Variants in USP10 observed in about 807,000 individuals in gnomAD.
USP10 encodes the protein ubiquitin carboxyl-terminal hydrolase 10.
USP10 carries 22 observed loss-of-function variants against 84.5 expected under a neutral mutation model. The observed-to-expected ratio is 0.26, with a 90% CI of 0.19 to 0.37. The LOEUF (loss-of-function observed/expected upper bound fraction) is 0.37. Among genes scored for constraint, USP10 ranks in the 10% least tolerant of loss-of-function variants. USP10 has a pLI of 1.00. For missense variants in USP10, 1,019 were observed against 998.9 expected (o/e 1.02, Z -0.27); for synonymous variants, 454 against 387.6 (o/e 1.17, Z -2.01).
Position 84,739,839 on chromosome 16 carries a change from C to T in USP10, c.91-470C>T, listed in dbSNP as rs114315049. Among the ~76,000 whole-genome samples the T allele has an allele frequency of 3.2e-3, 493 of 152,300 alleles. 1 individual carries two copies. The highest frequency in any genetic ancestry group is 0.021 in the Middle Eastern group (6 of 292). On this transcript the variant is annotated intron_variant, in intron 2 of 13. Coordinates refer to ENST00000219473, the MANE Select transcript of USP10 (RefSeq NM_005153.3). ...GGCTTTTTGTTTATAGTGCGCTTTC[C>T]TCTGCTCTCCGACCATGGACCTGGT...
chr16:84,740,828 C>A (rs553831875), intron 3 of USP10, among the ~76,000 whole-genome samples: 1 of 152,370 alleles, frequency 6.6e-6, no homozygotes, highest in African/African-American at 2.4e-5. Flanking sequence ...CTCTTGGGAA[C>A]TCAGGTCAAC....
At position 84,773,203 on chromosome 16, in the gene USP10, G is replaced by A. The variant is rs529052747; in HGVS notation, c.2143+518G>A. Among the ~76,000 whole-genome samples the A allele has an allele frequency of 1.1e-4, 17 of 152,304 alleles. 1 individual carries two copies. The East Asian group carries it at 2.7e-3, about 24-fold the overall frequency. On this transcript the variant is annotated intron_variant, in intron 12 of 13. Coordinates refer to ENST00000219473, the MANE Select transcript of USP10 (RefSeq NM_005153.3). ...AATTTTAAAGAGCCCCAGGTTAAAG[G>A]CATCTTGCTAAAAGCACAGCTTCAA... is the stretch of plus-strand genomic sequence containing the variant.
chr16:84,740,439 T>C, intron 3 of USP10, 70 bp downstream of exon 3: 1 of 1,250,112 alleles, frequency 8.0e-7, no homozygotes, highest in Non-Finnish European at 1.2e-6. Context: ...AGGCTACCTG[T>C]AAACATTGTT....
intron 11 of USP10, among the ~76,000 whole-genome samples, chr16:84,771,307 G>T (rs74712465): frequency 6.6e-6 from 1 of 152,092 alleles, no homozygotes. Context: ...ATCCCAGCAC[G>T]GTGGGAGACT....
At chr16:84,725,631 T>A (rs1396186282) in intron 1 of USP10, among the ~76,000 whole-genome samples, 1 of 152,142 alleles carries the variant, frequency 6.6e-6, no homozygotes, top group African/African-American at 2.4e-5. Flanking sequence ...CTCTGACTCC[T>A]GACCTCAGGT....
chr16:84,759,820 C>T (rs1057080120), intron 6 of USP10, 71 bp from the exon 7 acceptor site: 2 of 1,451,262 alleles, frequency 1.4e-6, no homozygotes, highest in Non-Finnish European at 1.9e-6. Flanking sequence ...TCTACTTAGC[C>T]ATCAAAGCTC....
At chr16:84,769,896 G>GGTAGT (rs1914249805) in intron 11 of USP10, among the ~76,000 whole-genome samples, 1 of 152,184 alleles carries the variant, frequency 6.6e-6, no homozygotes, top group African/African-American at 2.4e-5. Context: ...GTTGTTAGAC[G>GGTAGT]GTAGTGAAGA....
chr16:84,729,991 G>A (rs1908998577), intron 1 of USP10, among the ~76,000 whole-genome samples: 1 of 152,142 alleles, frequency 6.6e-6, no homozygotes, highest in Admixed American at 6.5e-5. Flanking sequence ...TGCAAAATGG[G>A]TGTATTTGAA....
At chr16:84,700,918 C>G (rs1183735290) in intron 1 of USP10, among the ~76,000 whole-genome samples, 1 of 152,056 alleles carries the variant, frequency 6.6e-6, no homozygotes, top group Non-Finnish European at 1.5e-5. Flanking sequence ...CATCTTCTCC[C>G]CCCTCCGCCA....
At chr16:84,777,939 T>C (rs143022271) in intron 13 of USP10, among the ~76,000 whole-genome samples, 25 of 152,366 alleles carry the variant, frequency 1.6e-4, no homozygotes, top group Admixed American at 6.5e-4. Flanking sequence ...TGTCTGCTGC[T>C]GGCCAGGCAG....
intron 1 of USP10, among the ~76,000 whole-genome samples, chr16:84,716,772 A>G (rs1363310282): frequency 1.3e-5 from 2 of 152,174 alleles, no homozygotes; most frequent in East Asian, 3.8e-4. Flanking sequence ...CAAGTTGAAG[A>G]GTGAAGATTC....
At chr16:84,774,587 C>T (rs1487801912) in intron 12 of USP10, among the ~76,000 whole-genome samples, 1 of 151,404 alleles carries the variant, frequency 6.6e-6, no homozygotes, top group Non-Finnish European at 1.5e-5. Flanking sequence ...TCTCCTGCCT[C>T]AGCCTCCCGA....
chr16:84,747,401 A>T, intron 4 of USP10, among the ~76,000 whole-genome samples: 1 of 152,344 alleles, frequency 6.6e-6, no homozygotes, highest in African/African-American at 2.4e-5. Flanking sequence ...GGGTGATAGC[A>T]AGCAATGTAT....
At chr16:84,701,915 G>C (rs1181714199) in intron 1 of USP10, among the ~76,000 whole-genome samples, 1 of 136,074 alleles carries the variant, frequency 7.3e-6, no homozygotes. Flanking sequence ...GAAATAGTTT[G>C]ATTTCTCATA....
chr16:84,737,831 T>C (rs574678702), intron 2 of USP10, among the ~76,000 whole-genome samples: 1 of 152,376 alleles, frequency 6.6e-6, no homozygotes, highest in East Asian at 1.9e-4. Context: ...TGGCACACCC[T>C]GAGTGCCCAG....
chr16:84,764,102 C>G lies in USP10; in HGVS notation c.1671C>G (p.Asn557Lys). Residue 557 changes from asparagine (N) to lysine (K), a missense_variant, in exon 10 of 14, where the codon AAC becomes AAG. Physicochemically the swap from Asn to Lys is moderately conservative, Grantham distance 94 (BLOSUM62 0). This residue lies in a region of USP10 where 787 missense variants were observed against 708.8 expected (regional missense o/e 1.11). Coordinates refer to ENST00000219473, the MANE Select transcript of USP10 (RefSeq NM_005153.3). The part of the protein sequence containing the change: ...SPSNEKLTIS[N>K]GPKNHSVNEE... Reference sequence around the variant, plus strand: ...CCTTTTCAGAACTTACGATTTCCAACGGCCCCAAAAACCACTCGGTCAATG... The same window carrying G: ...CCTTTTCAGAACTTACGATTTCCAAGGGCCCCAAAAACCACTCGGTCAATG... 1 of 1,612,282 alleles carries G rather than the reference C, an allele frequency of 6.2e-7. No individual in the cohort carries two copies. The highest frequency in any genetic ancestry group is 8.5e-7 in the Non-Finnish European group (1 of 1,179,292).
chr16:84,735,020 T>G (rs1909715245), intron 2 of USP10, among the ~76,000 whole-genome samples: 2 of 152,148 alleles, frequency 1.3e-5, no homozygotes, highest in South Asian at 4.1e-4. Flanking sequence ...TTTTTTTATT[T>G]CTATTTTTTC....
At chr16:84,778,467 T>C (rs1411156273) in intron 13 of USP10, among the ~76,000 whole-genome samples, 3 of 152,236 alleles carry the variant, frequency 2.0e-5, no homozygotes, top group Admixed American at 1.3e-4. Flanking sequence ...TTTCCGTTTT[T>C]TCACTGTTAT....
At chr16:84,703,325 A>G (rs565857733) in intron 1 of USP10, among the ~76,000 whole-genome samples, 1 of 152,344 alleles carries the variant, frequency 6.6e-6, no homozygotes, top group South Asian at 2.1e-4. Context: ...TGTCATTTAT[A>G]GTGAAATCTC....
Sources: gnomAD v4.1 joint callset for allele counts (sites outside exome capture counted in the v4.1 genomes callset) on GRCh38, gnomAD v4.1.1 for gene constraint, gnomAD v4.1.1 regional missense constraint, MANE v1.5 for transcripts, NCBI Gene and HGNC (gene_info 2026-07-23, HGNC 2026-07-21) for gene names.